SGIP1: variants seen among roughly 807,000 people sequenced by gnomAD.
SGIP1 encodes SH3-containing GRB2-like protein 3-interacting protein 1.
A neutral mutation model predicts 107.5 loss-of-function variants in SGIP1; 38 were observed. The observed-to-expected ratio is 0.35, with a 90% CI of 0.27 to 0.46. The LOEUF is 0.46. Among genes scored for constraint, SGIP1 ranks in the 20% least tolerant of loss-of-function variants. The pLI is 1.00. For missense variants in SGIP1, 929 were observed against 1,019.5 expected, an observed-to-expected ratio of 0.91 and a Z score of 1.21; for synonymous variants, 365 against 366.1, an observed-to-expected ratio of 1.00 and a Z score of 0.03.
chr1:66,551,147 T>C (rs1277383927), intron 1 of SGIP1, among the ~76,000 whole-genome samples: 2 of 152,170 alleles, frequency 1.3e-5, no homozygotes, highest in Non-Finnish European at 2.9e-5. Flanking sequence ...GAAACTATTA[T>C]TAAGGATGCC....
chr1:66,689,462 C>G (rs2089321125), intron 16 of SGIP1, among the ~76,000 whole-genome samples, 187 bp downstream of exon 16: 1 of 152,152 alleles, frequency 6.6e-6, no homozygotes, highest in Non-Finnish European at 1.5e-5. Flanking sequence ...TCTTTCAAGC[C>G]AAGGTCTAAA....
At chr1:66,558,873 T>A (rs1287382851) in intron 1 of SGIP1, among the ~76,000 whole-genome samples, 1 of 151,966 alleles carries the variant, frequency 6.6e-6, no homozygotes, top group Non-Finnish European at 1.5e-5. Flanking sequence ...TCCAGATTAA[T>A]AATTCTAGAA....
intron 1 of SGIP1, among the ~76,000 whole-genome samples, chr1:66,554,870 G>T (rs988060147): frequency 3.3e-5 from 5 of 152,096 alleles, no homozygotes; most frequent in African/African-American, 1.2e-4. Flanking sequence ...ATATTGTTTT[G>T]ATTAAGGCAC....
intron 5 of SGIP1, 71 bp downstream of exon 5, chr1:66,639,904 A>G: frequency 2.3e-6 from 3 of 1,287,520 alleles, no homozygotes; most frequent in Non-Finnish European, 2.2e-6. Context: ...GCATTCTTAT[A>G]ATAGGACTTA....
chr1:66,669,381 C>G (rs1357058511), intron 9 of SGIP1, among the ~76,000 whole-genome samples: 1 of 152,180 alleles, frequency 6.6e-6, no homozygotes, highest in Non-Finnish European at 1.5e-5. Flanking sequence ...AATACAACCT[C>G]TGGGACCTCC....
Position 66,740,666 on chromosome 1 carries a change from A to AAC in SGIP1, c.2245_2246dup (p.Gln749HisfsTer108). On this transcript the variant is annotated frameshift_variant, in exon 23 of 25. Coordinates refer to ENST00000371037, the MANE Select transcript of SGIP1 (RefSeq NM_032291.4). LOFTEE classifies it high-confidence loss of function. ...ACCTAATTTATTTTTAGGAATGCTG[A>AAC]ACAACAGAGAATATTGTGGAAGATT... The AAC allele has an allele frequency of 6.2e-7, 1 of 1,605,928 alleles. No homozygotes were observed. Among genetic ancestry groups the AAC allele is most frequent in the South Asian group, 1.1e-5 (1 of 90,104 alleles).
chr1:66,585,554 A>T (rs938486433), intron 1 of SGIP1, among the ~76,000 whole-genome samples: 1 of 136,956 alleles, frequency 7.3e-6, no homozygotes. Flanking sequence ...AGAAAAATTA[A>T]AAAGAGCTTT....
At chr1:66,627,993 T>C (rs4655645) in intron 2 of SGIP1, among the ~76,000 whole-genome samples, 22,406 of 150,486 alleles carry the variant, frequency 0.15, 2,179 homozygotes, top group East Asian at 0.46. Flanking sequence ...TGAGAACATG[T>C]GGTGTTTGAT....
At chr1:66,559,244 G>A (rs771282140) in intron 1 of SGIP1, among the ~76,000 whole-genome samples, 3 of 152,086 alleles carry the variant, frequency 2.0e-5, no homozygotes. Context: ...GCTTATAGGG[G>A]AGGCTGATGC....
intron 21 of SGIP1, among the ~76,000 whole-genome samples, chr1:66,737,912 C>A (rs1260347800): frequency 6.6e-6 from 1 of 152,048 alleles, no homozygotes; most frequent in African/African-American, 2.4e-5. Context: ...TAGTTTCTGG[C>A]CCGATAGCAT....
chr1:66,613,520 GGGTTTTGCC>G (rs2068499014), intron 1 of SGIP1, among the ~76,000 whole-genome samples: 1 of 152,060 alleles, frequency 6.6e-6, no homozygotes, highest in Admixed American at 6.5e-5. Flanking sequence ...AGTAGAAATG[GGGTTTTGCC>G]ATGTTGGCCA....
At position 66,634,197 on chromosome 1, in the gene SGIP1, C is replaced by T. The variant is rs374565775; in HGVS notation, c.99+1103C>T. The T allele has an allele frequency of 1.1e-4, 172 of 1,570,676 alleles. No individual in the cohort carries two copies. The Middle Eastern group carries it at 1.6e-3, about 14-fold the overall frequency. On this transcript the variant is annotated intron_variant, in intron 3 of 24. Transcript: ENST00000371037. The stretch of plus-strand genomic sequence containing the variant: ...TGCTTCTGTGTCTCTTCTTTGCTTC[C>T]GGCTTGGTCCCCTCCCTGGGTTCTC...
chr1:66,554,696 C>A (rs1413293233), intron 1 of SGIP1, among the ~76,000 whole-genome samples: 3 of 151,888 alleles, frequency 2.0e-5, no homozygotes, highest in Non-Finnish European at 4.4e-5. Context: ...GGGTCTCATC[C>A]CCAAGATACC....
chr1:66,535,679 G>A (rs1051902087), intron 1 of SGIP1, among the ~76,000 whole-genome samples: 1 of 152,148 alleles, frequency 6.6e-6, no homozygotes, highest in Non-Finnish European at 1.5e-5. Flanking sequence ...TTTGCAAAAG[G>A]CTCTCAAGCT....
chr1:66,571,472 G>A (rs768770174), intron 1 of SGIP1, among the ~76,000 whole-genome samples: 5 of 151,928 alleles, frequency 3.3e-5, no homozygotes, highest in Non-Finnish European at 7.4e-5. Flanking sequence ...GATTGTGGTT[G>A]GATAAGAACA....
intron 1 of SGIP1, among the ~76,000 whole-genome samples, chr1:66,565,974 C>T (rs1463246849): frequency 6.6e-6 from 1 of 151,848 alleles, no homozygotes; most frequent in African/African-American, 2.4e-5. Context: ...CATTTGCCAG[C>T]CCATGTAATA....
chr1:66,541,793 G>C (rs1175569642), intron 1 of SGIP1, among the ~76,000 whole-genome samples: 1 of 152,098 alleles, frequency 6.6e-6, no homozygotes, highest in Non-Finnish European at 1.5e-5. Flanking sequence ...ATTTGCACAT[G>C]CTTAAAAGTT....
rs1453575693 is a variant in SGIP1 at position 66,748,506 on chromosome 1, A to G, written c.*5411A>G. ...CCTAAATGGGTATGTCTATGAGGAA[A>G]AGACACCTATTTGTTGGCATTGACC... is the stretch of plus-strand genomic sequence containing the variant. On this transcript the variant is annotated 3_prime_UTR_variant, in exon 25 of 25. Coordinates refer to ENST00000371037, the MANE Select transcript of SGIP1 (RefSeq NM_032291.4). Among the ~76,000 whole-genome samples the G allele has an allele frequency of 6.6e-6, 1 of 151,964 alleles. No individual in the cohort carries two copies. The highest frequency in any genetic ancestry group is 1.5e-5 in the Non-Finnish European group (1 of 67,846).
At chr1:66,716,552 A>G (rs1166056713) in intron 18 of SGIP1, among the ~76,000 whole-genome samples, 2 of 152,102 alleles carry the variant, frequency 1.3e-5, no homozygotes, top group African/African-American at 4.8e-5. Context: ...AAATGAAGAC[A>G]ATACTTACTT....
Sources: allele counts gnomAD v4.1 joint callset (sites outside exome capture counted in the v4.1 genomes callset), GRCh38; gene constraint gnomAD v4.1.1; transcripts MANE v1.5; gene names NCBI Gene and HGNC (gene_info 2026-07-23, HGNC 2026-07-21).